TAFA1: variants seen among roughly 807,000 people sequenced by gnomAD.
The protein encoded by TAFA1 is TAFA chemokine like family member 1, also known as chemokine-like protein TAFA-1.
TAFA1 carries 4 observed loss-of-function variants against 18.5 expected under a neutral mutation model. The observed-to-expected ratio is 0.22, with a 90% confidence interval of 0.11 to 0.49. The LOEUF is 0.49. Ranked by LOEUF, TAFA1 falls within the 20% of genes least tolerant of loss-of-function variation. The pLI, the probability that TAFA1 is intolerant of heterozygous loss-of-function variation, is 0.98. For synonymous variants in TAFA1, 56 were observed against 55.2 expected (o/e 1.01, Z -0.06); for missense variants, 147 against 169.0 (o/e 0.87, Z 0.72).
At chr3:68,481,099 G>C (rs1214005130) in intron 3 of TAFA1, among the ~76,000 whole-genome samples, 1 of 152,150 alleles carries the variant, frequency 6.6e-6, no homozygotes, top group Non-Finnish European at 1.5e-5. Flanking sequence ...TCAGACTCAG[G>C]TATGTCTTTA....
intron 2 of TAFA1, among the ~76,000 whole-genome samples, chr3:68,044,303 T>A (rs1441349770): frequency 6.6e-6 from 1 of 152,246 alleles, no homozygotes; most frequent in Non-Finnish European, 1.5e-5. Flanking sequence ...TGGTAGGGAC[T>A]TTTGTTCTTT....
At chr3:68,258,759 T>C (rs1460641359) in intron 2 of TAFA1, among the ~76,000 whole-genome samples, 3 of 152,054 alleles carry the variant, frequency 2.0e-5, no homozygotes, top group Admixed American at 2.0e-4. Flanking sequence ...TCAGAAGAGG[T>C]TGAATATGTT....
At chr3:68,401,831 G>A (rs1339623801) in intron 2 of TAFA1, among the ~76,000 whole-genome samples, 2 of 152,116 alleles carry the variant, frequency 1.3e-5, no homozygotes, top group Non-Finnish European at 2.9e-5. Context: ...CTGAAAATGG[G>A]GAAGAGAGGC....
intron 2 of TAFA1, among the ~76,000 whole-genome samples, chr3:68,346,344 G>A (rs777588075): frequency 3.0e-4 from 46 of 152,140 alleles, no homozygotes; most frequent in Non-Finnish European, 4.4e-4. Flanking sequence ...TTTTTGTAGA[G>A]ATAGGGTTTC....
At chr3:68,515,841 CT>C (rs1270329654) in intron 3 of TAFA1, among the ~76,000 whole-genome samples, 5 of 152,262 alleles carry the variant, frequency 3.3e-5, no homozygotes, top group Non-Finnish European at 4.4e-5. Flanking sequence ...CAATTATCCC[CT>C]TTTTTTCCTT....
chr3:68,242,682 G>C lies in TAFA1; in HGVS notation c.119-174598G>C, dbSNP rs190142206. Among the ~76,000 whole-genome samples, 81 of 152,206 alleles carry C rather than the reference G, an allele frequency of 5.3e-4. No homozygotes were observed. In the South Asian group the frequency reaches 0.016, roughly 31 times the overall value. ...AATGCCATTTATTTGTCCTACTTAAGTGTTATTGGTAAGAATTAAGTGCAG... is the reference window on the plus strand; with the variant it reads ...AATGCCATTTATTTGTCCTACTTAACTGTTATTGGTAAGAATTAAGTGCAG... On this transcript the variant is annotated intron_variant, in intron 2 of 4. Transcript: ENST00000478136.
intron 2 of TAFA1, among the ~76,000 whole-genome samples, chr3:68,201,544 A>T (rs2066469851): frequency 6.6e-6 from 1 of 151,698 alleles, no homozygotes; most frequent in Non-Finnish European, 1.5e-5. Context: ...TTTTTGCTTA[A>T]TGTATTTTGA....
chr3:68,243,544 C>A (rs551014615), intron 2 of TAFA1, among the ~76,000 whole-genome samples: 107 of 152,284 alleles, frequency 7.0e-4, no homozygotes, highest in African/African-American at 2.5e-3. Context: ...TAAATGAAAT[C>A]ATATCGTATA....
intron 3 of TAFA1, among the ~76,000 whole-genome samples, chr3:68,536,856 A>G (rs1234072868): frequency 6.6e-6 from 1 of 152,140 alleles, no homozygotes; most frequent in Non-Finnish European, 1.5e-5. Flanking sequence ...CCCCCACATC[A>G]TATTAAACAT....
In TAFA1 at chr3:68,468,008, A is replaced by G. The variant is rs114398682; in HGVS notation, c.259+50588A>G. Among the ~76,000 whole-genome samples, 1,174 of 152,260 alleles carry G rather than the reference A, an allele frequency of 7.7e-3. 14 individuals carry two copies. Among genetic ancestry groups the G allele is most frequent in the African/African-American group, 0.027 (1,121 of 41,546 alleles). ...CTGTCTTTTAAAAGTAAAAATAACC[A>G]TGTACTTTACTGTGATGTCAAGATA... On this transcript the variant is annotated intron_variant, in intron 3 of 4. Transcript: ENST00000478136.
intron 3 of TAFA1, among the ~76,000 whole-genome samples, chr3:68,418,149 G>A (rs1284973907): frequency 2.6e-5 from 4 of 152,054 alleles, no homozygotes; most frequent in African/African-American, 7.2e-5. Context: ...ATTTTCATGC[G>A]CATCCGTGTG....
intron 3 of TAFA1, among the ~76,000 whole-genome samples, chr3:68,459,625 G>A (rs1325350450): frequency 1.3e-5 from 2 of 152,306 alleles, no homozygotes; most frequent in African/African-American, 4.8e-5. Flanking sequence ...TATGGGAGCT[G>A]AATGAAAGTA....
chr3:68,496,384 C>G (rs113960195), intron 3 of TAFA1, among the ~76,000 whole-genome samples: 1,840 of 152,220 alleles, frequency 0.012, 30 homozygotes, highest in African/African-American at 0.042. Flanking sequence ...CTTGCAGCTT[C>G]CTTTAGTATC....
intron 2 of TAFA1, among the ~76,000 whole-genome samples, chr3:68,346,299 C>G (rs1055588354): frequency 6.6e-6 from 1 of 151,990 alleles, no homozygotes; most frequent in African/African-American, 2.4e-5. Flanking sequence ...GTTGGGACTA[C>G]CAGTGTGCAC....
chr3:68,307,029 A>G (rs2068435061), intron 2 of TAFA1, among the ~76,000 whole-genome samples: 1 of 152,184 alleles, frequency 6.6e-6, no homozygotes, highest in Non-Finnish European at 1.5e-5. Flanking sequence ...GACTCTGGAA[A>G]TCCATGTAAC....
At chr3:68,251,019 A>T (rs1438867943) in intron 2 of TAFA1, 1 of 152,096 alleles carries the variant, frequency 6.6e-6, no homozygotes, top group Non-Finnish European at 1.5e-5. Flanking sequence ...CCATTCCCAA[A>T]TCTCCAACTT....
In TAFA1 at chr3:68,499,446, C is replaced by CTTTTTT. The variant is rs752597708; in HGVS notation, c.260-39297_260-39292dup. On this transcript the variant is annotated intron_variant, in intron 3 of 4. Coordinates refer to ENST00000478136, the MANE Select transcript of TAFA1 (RefSeq NM_213609.4). ...GTTTTCTTTCTTTCTGTGTTCCTTT[C>CTTTTTT]TTTTTTTTTTTTTTTTTTGAGAAGA... 4.9e-4 allele frequency among the ~76,000 whole-genome samples: 55 copies of CTTTTTT among 112,102 alleles called. 2 individuals are homozygous for CTTTTTT. The highest frequency in any genetic ancestry group is 6.7e-4 in the African/African-American group (21 of 31,206). 73.5% of individuals were successfully genotyped at this position (112,102 alleles called of 152,430 possible).
intron 2 of TAFA1, among the ~76,000 whole-genome samples, chr3:68,093,616 GC>G (rs2065053174): frequency 6.6e-6 from 1 of 152,044 alleles, no homozygotes; most frequent in Non-Finnish European, 1.5e-5. Context: ...ATGTGATGTG[GC>G]CATTTGTATT....
chr3:68,300,810 A>G (rs1468491807), intron 2 of TAFA1, among the ~76,000 whole-genome samples: 1 of 152,152 alleles, frequency 6.6e-6, no homozygotes, highest in African/African-American at 2.4e-5. Context: ...AGTGTTTTCT[A>G]GTTCCTCCTG....
Sources: gnomAD v4.1 joint callset for allele counts (sites outside exome capture counted in the v4.1 genomes callset) on GRCh38, gnomAD v4.1.1 for gene constraint, MANE v1.5 for transcripts, NCBI Gene and HGNC (gene_info 2026-07-23, HGNC 2026-07-21) for gene names.